Variants in RUNX2 observed in about 807,000 individuals in gnomAD.
RUNX2 encodes RUNX family transcription factor 2, also known as runt-related transcription factor 2.
Under a neutral mutation model 51.7 loss-of-function variants are expected in RUNX2, and 10 were observed. The ratio of observed to expected loss-of-function variants is 0.19; its 90% CI spans 0.12 to 0.33. RUNX2 has a LOEUF of 0.33. Among genes scored for constraint, RUNX2 ranks in the 10% least tolerant of loss-of-function variants. The probability of loss-of-function intolerance (pLI) is 1.00; values close to 1 mark genes in which losing one functional copy is unlikely to be tolerated. For missense variants in RUNX2, 562 were observed against 691.3 expected (o/e 0.81, Z 2.10); for synonymous variants, 276 against 273.6 (o/e 1.01, Z -0.09).
intron 2 of RUNX2, among the ~76,000 whole-genome samples, chr6:45,348,030 CAT>C (rs201636845): frequency 0.011 from 1,734 of 152,076 alleles, 21 homozygotes; most frequent in African/African-American, 0.023. Context: ...CATGTGTACA[CAT>C]GTGTGGATAT....
At chr6:45,504,641 A>G (rs1800902978) in intron 6 of RUNX2, among the ~76,000 whole-genome samples, 1 of 150,434 alleles carries the variant, frequency 6.6e-6, no homozygotes, top group Non-Finnish European at 1.5e-5. Context: ...TTGAAATGGG[A>G]ATCTCTGTAT....
At chr6:45,364,767 C>T (rs911089171) in intron 2 of RUNX2, among the ~76,000 whole-genome samples, 7 of 152,098 alleles carry the variant, frequency 4.6e-5, no homozygotes, top group Non-Finnish European at 8.8e-5. Flanking sequence ...GAACTAAAAA[C>T]TAATTTAAAT....
chr6:45,451,517 G>C (rs1047615587), intron 5 of RUNX2, among the ~76,000 whole-genome samples: 1 of 152,208 alleles, frequency 6.6e-6, no homozygotes, highest in African/African-American at 2.4e-5. Context: ...ATGATTAAAG[G>C]CTTGTAAAAT....
At chr6:45,467,718 A>G (rs568435309) in intron 5 of RUNX2, among the ~76,000 whole-genome samples, 2 of 152,112 alleles carry the variant, frequency 1.3e-5, no homozygotes, top group South Asian at 4.2e-4. Context: ...CATCAAAGAC[A>G]CTATCATGTG....
chr6:45,432,211 A>G (rs1447620603), intron 4 of RUNX2, among the ~76,000 whole-genome samples, 192 bp downstream of exon 4: 1 of 152,218 alleles, frequency 6.6e-6, no homozygotes, highest in Admixed American at 6.5e-5. Context: ...ATTTTATGAT[A>G]TTGAAAATTC....
intron 2 of RUNX2, among the ~76,000 whole-genome samples, chr6:45,411,217 G>A (rs1488019819): frequency 6.6e-6 from 1 of 152,170 alleles, no homozygotes; most frequent in Admixed American, 6.5e-5. Flanking sequence ...AATTTTAAGG[G>A]TGAAGTAAAT....
intron 7 of RUNX2, among the ~76,000 whole-genome samples, chr6:45,530,860 G>A (rs993403820): frequency 2.0e-5 from 3 of 152,196 alleles, no homozygotes; most frequent in Admixed American, 2.0e-4. Context: ...AAGTGCAGGG[G>A]AAGATGGGAA....
At chr6:45,441,496 G>T (rs775174409) in intron 5 of RUNX2, among the ~76,000 whole-genome samples, 1 of 152,178 alleles carries the variant, frequency 6.6e-6, no homozygotes, top group Non-Finnish European at 1.5e-5. Context: ...ATATTGTAAT[G>T]TATGTAAAAT....
chr6:45,423,008 C>A, intron 3 of RUNX2, 51 bp downstream of exon 3: 1 of 1,589,314 alleles, frequency 6.3e-7, no homozygotes, highest in South Asian at 1.1e-5. Flanking sequence ...CGGAACCTGC[C>A]CGCCGGTGTC....
intron 2 of RUNX2, among the ~76,000 whole-genome samples, chr6:45,343,089 G>A (rs1295460351): frequency 6.6e-6 from 1 of 152,126 alleles, no homozygotes; most frequent in Non-Finnish European, 1.5e-5. Flanking sequence ...ACACTGATCT[G>A]ACAAAAGCAT....
intron 5 of RUNX2, among the ~76,000 whole-genome samples, chr6:45,477,631 C>T (rs906201152): frequency 6.6e-6 from 1 of 152,148 alleles, no homozygotes; most frequent in Non-Finnish European, 1.5e-5. Flanking sequence ...GTCTGTACCT[C>T]TATTCTATGT....
intron 2 of RUNX2, among the ~76,000 whole-genome samples, chr6:45,376,826 C>T (rs954020281): frequency 1.3e-5 from 2 of 152,208 alleles, no homozygotes; most frequent in Admixed American, 6.5e-5. Context: ...TATACTAAGA[C>T]CCCAGGTCCT....
intron 2 of RUNX2, among the ~76,000 whole-genome samples, chr6:45,359,953 T>C (rs1377652263): frequency 1.3e-5 from 2 of 152,164 alleles, no homozygotes; most frequent in African/African-American, 4.8e-5. Flanking sequence ...GGCAGGAGGA[T>C]CACCTGGTCC....
intron 3 of RUNX2, among the ~76,000 whole-genome samples, chr6:45,430,397 A>G (rs575532617): frequency 6.6e-6 from 1 of 152,342 alleles, no homozygotes; most frequent in Non-Finnish European, 1.5e-5. Context: ...TGAATAACAC[A>G]GTACTAAATG....
chr6:45,335,904 C>T (rs1397673462), intron 2 of RUNX2, among the ~76,000 whole-genome samples: 4 of 151,214 alleles, frequency 2.6e-5, no homozygotes, highest in African/African-American at 9.7e-5. Context: ...CTTGCTACTG[C>T]TCTTATAAGA....
intron 6 of RUNX2, among the ~76,000 whole-genome samples, chr6:45,502,284 GCT>G (rs2150413784): frequency 6.6e-6 from 1 of 152,218 alleles, no homozygotes; most frequent in East Asian, 1.9e-4. Flanking sequence ...CGTTTGTTCT[GCT>G]CTTTCTATGT....
intron 5 of RUNX2, among the ~76,000 whole-genome samples, chr6:45,469,377 A>G (rs1799732013): frequency 6.6e-6 from 1 of 152,252 alleles, no homozygotes; most frequent in Non-Finnish European, 1.5e-5. Flanking sequence ...TTAACATTTA[A>G]AACTTACTTT....
chr6:45,432,055 A>C lies in RUNX2; in HGVS notation c.580+36A>C, dbSNP rs148399344. 320 of 1,600,800 alleles carry C rather than the reference A, an allele frequency of 2.0e-4. 2 individuals are homozygous for C. In the African/African-American group the frequency reaches 3.9e-3, roughly 19 times the overall value. On this transcript the variant is annotated intron_variant, in intron 4 of 8. Coordinates refer to ENST00000647337, the MANE Select transcript of RUNX2 (RefSeq NM_001024630.4). ...GACTTTTGATACTGATAATAGAATA[A>C]GCACATTAGGCTCCTTTGATGAAAT...
intron 7 of RUNX2, among the ~76,000 whole-genome samples, chr6:45,525,052 A>G (rs576893501): frequency 5.3e-5 from 8 of 152,332 alleles, no homozygotes; most frequent in African/African-American, 1.2e-4. Context: ...TGGAGGTTGC[A>G]GTGAGCCAAG....
Sources: gnomAD v4.1 joint callset for allele counts (sites outside exome capture counted in the v4.1 genomes callset) on GRCh38, gnomAD v4.1.1 for gene constraint, MANE v1.5 for transcripts, NCBI Gene and HGNC (gene_info 2026-07-23, HGNC 2026-07-21) for gene names.